The following SLC6A11 variants were observed in gnomAD, a reference collection of about 807,000 sequenced individuals.
SLC6A11 encodes solute carrier family 6 member 11, also known as sodium- and chloride-dependent GABA transporter 3.
SLC6A11 carries 25 observed loss-of-function variants against 74.8 expected under a neutral mutation model. The observed-to-expected ratio is 0.33, with a 90% CI of 0.24 to 0.47. The LOEUF is 0.47. Among genes scored for constraint, SLC6A11 ranks in the 20% least tolerant of loss-of-function variants. The pLI is 1.00. For synonymous variants in SLC6A11, 330 were observed against 330.2 expected (o/e 1.00, Z 0.01); for missense variants, 574 against 837.0 (o/e 0.69, Z 3.88).
chr3:10,854,562 C>G (rs1429212432), intron 5 of SLC6A11, among the ~76,000 whole-genome samples: 1 of 152,198 alleles, frequency 6.6e-6, no homozygotes, highest in Non-Finnish European at 1.5e-5. Context: ...CATGCAGCAT[C>G]CTTTCTGTTA....
chr3:10,817,760 C>G (rs558793522), intron 1 of SLC6A11, among the ~76,000 whole-genome samples: 12 of 152,314 alleles, frequency 7.9e-5, no homozygotes, highest in African/African-American at 2.6e-4. Flanking sequence ...GCACAGGCTG[C>G]TCCAAGCCTG....
chr3:10,833,670 A>C (rs1207603868), intron 4 of SLC6A11, among the ~76,000 whole-genome samples: 1 of 152,186 alleles, frequency 6.6e-6, no homozygotes, highest in Non-Finnish European at 1.5e-5. Context: ...TCCACTTGTT[A>C]GTCTTGGGCT....
At chr3:10,914,763 C>G (rs967392117) in intron 7 of SLC6A11, among the ~76,000 whole-genome samples, 14 of 152,266 alleles carry the variant, frequency 9.2e-5, no homozygotes, top group South Asian at 4.1e-4. Context: ...ATAGGAAGAA[C>G]AGCACATGCA....
At chr3:10,843,992 C>T (rs1325144525) in intron 4 of SLC6A11, among the ~76,000 whole-genome samples, 1 of 152,222 alleles carries the variant, frequency 6.6e-6, no homozygotes, top group Non-Finnish European at 1.5e-5. Context: ...CATCTGCAGA[C>T]TTGCCTATCT....
intron 3 of SLC6A11, among the ~76,000 whole-genome samples, chr3:10,822,328 C>G (rs114729643): frequency 2.1e-4 from 32 of 152,274 alleles, no homozygotes; most frequent in African/African-American, 7.2e-4. Context: ...GTCTGGTGCC[C>G]CAGGTGTCTC....
chr3:10,915,740 T>C lies in SLC6A11; in HGVS notation c.996-2589T>C, dbSNP rs1427662098. ...GGGGCTGGAAGGGACCTCAGGTCCC[T>C]AAAGAGCTTCTCTGTCTCTCCTTCT... is the stretch of plus-strand genomic sequence containing the variant. On this transcript the variant is annotated intron_variant, in intron 7 of 13. Transcript: ENST00000254488. The surrounding 1 kb of genome is among the most constrained non-coding windows in gnomAD (Gnocchi z 4.3). 6.6e-6 allele frequency among the ~76,000 whole-genome samples: 1 copy of C among 152,126 alleles called. No individual in the cohort carries two copies.
chr3:10,906,806 A>T (rs3821758), intron 6 of SLC6A11, among the ~76,000 whole-genome samples: 54,351 of 151,838 alleles, frequency 0.36, 11,165 homozygotes, highest in Non-Finnish European at 0.47. Flanking sequence ...AGAGAACAAT[A>T]ATTTCAGAAA....
intron 6 of SLC6A11, among the ~76,000 whole-genome samples, chr3:10,879,375 G>A (rs1271872704): frequency 2.0e-5 from 3 of 152,110 alleles, no homozygotes; most frequent in Non-Finnish European, 4.4e-5. Flanking sequence ...TGGCAGCTGG[G>A]GTATGCTGCA....
In SLC6A11 at chr3:10,938,267, G is replaced by C. The variant is rs1332605036; in HGVS notation, c.1764G>C (p.Thr588=). 1 of 1,590,486 alleles carries C rather than the reference G, an allele frequency of 6.3e-7. No homozygotes were observed. The highest frequency in any genetic ancestry group is 2.3e-5 in the East Asian group (1 of 44,426). ...GTLPEKLQKL[T]TPSTDLKMRG... ...CCATCCAGAAACTCCAGAAGTTGACGACCCCCAGCACAGATCTGAAAATGC... is the reference window on the plus strand; with the variant it reads ...CCATCCAGAAACTCCAGAAGTTGACCACCCCCAGCACAGATCTGAAAATGC... Residue 588 remains threonine, a synonymous_variant, in exon 14 of 14, where the codon ACG becomes ACC. Coordinates refer to ENST00000254488, the MANE Select transcript of SLC6A11 (RefSeq NM_014229.3).
At chr3:10,877,809 T>A (rs2106607137) in intron 6 of SLC6A11, among the ~76,000 whole-genome samples, 1 of 152,348 alleles carries the variant, frequency 6.6e-6, no homozygotes, top group East Asian at 1.9e-4. Context: ...CTCTGTTGAC[T>A]CTTTCCTACA....
intron 8 of SLC6A11, among the ~76,000 whole-genome samples, chr3:10,923,919 C>A (rs1478276490): frequency 6.6e-6 from 1 of 152,020 alleles, no homozygotes; most frequent in African/African-American, 2.4e-5. Context: ...GGTTTTCTAG[C>A]CAAAAGATGC....
intron 5 of SLC6A11, among the ~76,000 whole-genome samples, chr3:10,847,202 A>G (rs1694515453): frequency 6.6e-6 from 1 of 152,134 alleles, no homozygotes; most frequent in African/African-American, 2.4e-5. Flanking sequence ...GAAGATTGGG[A>G]TTAACTTCCA....
Position 10,926,596 on chromosome 3 carries a change from C to T in SLC6A11, c.1233+480C>T, listed in dbSNP as rs1042598526. ...CCATCTCTGTCCTGGATGCCACCACCAGCTCTGCCCCGCCACCGCCTGCCT... is the reference window on the plus strand; with the variant it reads ...CCATCTCTGTCCTGGATGCCACCACTAGCTCTGCCCCGCCACCGCCTGCCT... On this transcript the variant is annotated intron_variant, in intron 9 of 13. Coordinates refer to ENST00000254488, the MANE Select transcript of SLC6A11 (RefSeq NM_014229.3). The surrounding 1 kb of genome is among the most constrained non-coding windows in gnomAD (Gnocchi z 5.7). Among the ~76,000 whole-genome samples, 1 of 152,044 alleles carries T rather than the reference C, an allele frequency of 6.6e-6. No individual in the cohort carries two copies. Among genetic ancestry groups the T allele is most frequent in the African/African-American group, 2.4e-5 (1 of 41,372 alleles).
In SLC6A11 at chr3:10,873,535, C is replaced by T. The variant is rs28490351; in HGVS notation, c.757-1426C>T. On this transcript the variant is annotated intron_variant, in intron 5 of 13. Transcript: ENST00000254488. Reference sequence around the variant, plus strand: ...CTATGCCATGCCATCCTATCCTGTCCTATCCTATCCTATCCTACCCTACCC... The same window carrying T: ...CTATGCCATGCCATCCTATCCTGTCTTATCCTATCCTATCCTACCCTACCC... Among the ~76,000 whole-genome samples, 657 of 147,880 alleles carry T rather than the reference C, an allele frequency of 4.4e-3. 4 individuals carry two copies. Among genetic ancestry groups the T allele is most frequent in the African/African-American group, 0.016 (622 of 38,190 alleles).
At chr3:10,865,679 A>AC (rs1259341715) in intron 5 of SLC6A11, among the ~76,000 whole-genome samples, 1 of 151,918 alleles carries the variant, frequency 6.6e-6, no homozygotes, top group Non-Finnish European at 1.5e-5. Flanking sequence ...AAAACAAAAA[A>AC]CCCTGTGGCT....
At chr3:10,823,936 C>T (rs1694170980) in intron 4 of SLC6A11, 1 of 156,158 alleles carries the variant, frequency 6.4e-6, no homozygotes, top group African/African-American at 2.4e-5. Flanking sequence ...AGCACCCATC[C>T]CTGGAAGTTG....
intron 5 of SLC6A11, among the ~76,000 whole-genome samples, chr3:10,850,323 C>T (rs757109486): frequency 7.9e-5 from 12 of 152,212 alleles, no homozygotes; most frequent in Non-Finnish European, 1.8e-4. Context: ...CACATGTTCA[C>T]TTGCTAGAGA....
chr3:10,928,869 T>C (rs1207442971), intron 9 of SLC6A11, among the ~76,000 whole-genome samples: 2 of 152,068 alleles, frequency 1.3e-5, no homozygotes, highest in Admixed American at 1.3e-4. Context: ...GAGCCCAGCA[T>C]GTAGGCATGT....
At chr3:10,823,551 A>G in intron 4 of SLC6A11, 159 bp downstream of exon 4, 1 of 603,668 alleles carries the variant, frequency 1.7e-6, no homozygotes, top group Non-Finnish European at 3.0e-6. Flanking sequence ...GCAAGAGTGC[A>G]GATCTTCAGA....
Sources: gnomAD v4.1 joint callset for allele counts (sites outside exome capture counted in the v4.1 genomes callset) on GRCh38, gnomAD v4.1.1 for gene constraint, Gnocchi (gnomAD v3.1) non-coding constraint, MANE v1.5 for transcripts, NCBI Gene and HGNC (gene_info 2026-07-23, HGNC 2026-07-21) for gene names.